TRERF1: variants seen among roughly 807,000 people sequenced by gnomAD.
TRERF1 encodes the protein transcriptional-regulating factor 1.
In TRERF1, 27 loss-of-function variants were observed where a neutral mutation model predicts 122.9. The ratio of observed to expected loss-of-function variants is 0.22; its 90% CI spans 0.16 to 0.30. TRERF1 has a LOEUF of 0.30. Among genes scored for constraint, TRERF1 ranks in the 10% least tolerant of loss-of-function variants. The pLI, the probability that TRERF1 is intolerant of heterozygous loss-of-function variation, is 1.00. For missense variants in TRERF1, 1,248 were observed against 1,560.3 expected, an observed-to-expected ratio of 0.80 and a Z score of 3.37; for synonymous variants, 636 against 641.7, an observed-to-expected ratio of 0.99 and a Z score of 0.13.
chr6:42,405,410 C>A (rs1308151756), intron 2 of TRERF1, among the ~76,000 whole-genome samples: 1 of 152,148 alleles, frequency 6.6e-6, no homozygotes, highest in Non-Finnish European at 1.5e-5. Flanking sequence ...ATTAGCCCCA[C>A]CCAGAAGAGT....
chr6:42,320,691 A>G (rs1248922133), intron 3 of TRERF1, among the ~76,000 whole-genome samples: 3 of 152,022 alleles, frequency 2.0e-5, no homozygotes, highest in Non-Finnish European at 4.4e-5. Context: ...TGTATTTTTT[A>G]GTAGAGATGG....
intron 4 of TRERF1, among the ~76,000 whole-genome samples, chr6:42,287,732 C>T (rs1783523148): frequency 6.6e-6 from 1 of 152,208 alleles, no homozygotes; most frequent in Admixed American, 6.5e-5. Context: ...CTGCCCACTT[C>T]TCCTGCACAG....
rs758835643 is a variant in TRERF1, at chr6:42,275,055, A to C, written c.-258-5207T>G. 6.6e-6 allele frequency among the ~76,000 whole-genome samples: 1 copy of C among 152,234 alleles called. No individual in the cohort carries two copies. Among genetic ancestry groups the C allele is most frequent in the Non-Finnish European group, 1.5e-5 (1 of 68,042 alleles). ...ACTTTATGCTCATACAAGAACACTA[A>C]TGCACAGCCCGTCTTATACAGATGG... On this transcript the variant is annotated intron_variant, in intron 4 of 17. Coordinates refer to ENST00000372922, the Ensembl canonical transcript of TRERF1. The surrounding 1 kb of genome is among the most constrained non-coding windows in gnomAD (Gnocchi z 4.1).
chr6:42,274,200 C>T (rs1375143022), intron 4 of TRERF1, among the ~76,000 whole-genome samples: 2 of 152,160 alleles, frequency 1.3e-5, no homozygotes, highest in African/African-American at 4.8e-5. Flanking sequence ...TGTGGCTCAG[C>T]AGTCTGTGTT....
intron 2 of TRERF1, among the ~76,000 whole-genome samples, chr6:42,448,665 A>G (rs1414626594): frequency 6.6e-6 from 1 of 152,184 alleles, no homozygotes; most frequent in Non-Finnish European, 1.5e-5. Flanking sequence ...CAAACCACGC[A>G]CTTTTAAGAT....
intron 3 of TRERF1, among the ~76,000 whole-genome samples, chr6:42,309,659 T>C (rs896337749): frequency 3.9e-5 from 6 of 152,216 alleles, no homozygotes; most frequent in African/African-American, 1.4e-4. Flanking sequence ...CATATGCACA[T>C]TGAAGTGTGA....
chr6:42,320,045 A>G (rs959826625), intron 3 of TRERF1, among the ~76,000 whole-genome samples: 1 of 151,774 alleles, frequency 6.6e-6, no homozygotes, highest in Non-Finnish European at 1.5e-5. Flanking sequence ...GGGATTACAG[A>G]CACCCATCAC....
intron 13 of TRERF1, among the ~76,000 whole-genome samples, chr6:42,249,937 C>T (rs1257110371): frequency 1.3e-5 from 2 of 152,176 alleles, no homozygotes; most frequent in African/African-American, 4.8e-5. Flanking sequence ...CATCCCTGGG[C>T]TCTTGGATTG....
chr6:42,352,328 A>T (rs1769621609), intron 3 of TRERF1, among the ~76,000 whole-genome samples: 1 of 152,266 alleles, frequency 6.6e-6, no homozygotes, highest in Non-Finnish European at 1.5e-5. Flanking sequence ...TTCCTCAGCT[A>T]GTGTTACCTT....
At chr6:42,423,963 G>A (rs1562184546) in intron 2 of TRERF1, among the ~76,000 whole-genome samples, 1 of 152,190 alleles carries the variant, frequency 6.6e-6, no homozygotes, top group Non-Finnish European at 1.5e-5. Flanking sequence ...ACCTTCAAAT[G>A]TAATAAAAAG....
At chr6:42,244,569 T>C (rs1774407262) in intron 14 of TRERF1, among the ~76,000 whole-genome samples, 1 of 152,202 alleles carries the variant, frequency 6.6e-6, no homozygotes. Flanking sequence ...GAGCACACTA[T>C]AAATACTGCT....
At chr6:42,357,328 C>CAAAAAAAAAAA (rs35651008) in intron 3 of TRERF1, among the ~76,000 whole-genome samples, 1 of 61,156 alleles carries the variant, frequency 1.6e-5, no homozygotes, top group Non-Finnish European at 3.6e-5. Context: ...GACTCTGTCT[C>CAAAAAAAAAAA]AAAAAAAAAA....
At chr6:42,371,918 A>G (rs1393180335) in intron 2 of TRERF1, among the ~76,000 whole-genome samples, 1 of 152,166 alleles carries the variant, frequency 6.6e-6, no homozygotes, top group Non-Finnish European at 1.5e-5. Flanking sequence ...GCAGTGGCTC[A>G]TCCCTGTAAT....
intron 3 of TRERF1, among the ~76,000 whole-genome samples, chr6:42,306,918 G>A (rs1282701894): frequency 6.6e-6 from 1 of 152,216 alleles, no homozygotes; most frequent in Non-Finnish European, 1.5e-5. Flanking sequence ...TGGCACAGCA[G>A]TCAATCCTGA....
intron 2 of TRERF1, among the ~76,000 whole-genome samples, chr6:42,424,407 G>A (rs2812796): frequency 0.99 from 151,094 of 152,342 alleles, 74,936 homozygotes; most frequent in East Asian, 1. Flanking sequence ...CTTGACCTCA[G>A]TCCATGACAT....
intron 4 of TRERF1, among the ~76,000 whole-genome samples, chr6:42,300,354 TCCTGTAAGA>T (rs565149459): frequency 1.6e-3 from 249 of 152,274 alleles, no homozygotes; most frequent in African/African-American, 5.7e-3. Context: ...GGATACCCCA[TCCTGTAAGA>T]CCTGTCCAAG....
rs142328438 is a variant in TRERF1 at position 42,281,812 on chromosome 6, G to A, written c.-258-11964C>T. Among the ~76,000 whole-genome samples the A allele has an allele frequency of 7.7e-3, 1,170 of 152,316 alleles. 4 individuals are homozygous for A. Among genetic ancestry groups the A allele is most frequent in the Non-Finnish European group, 0.013 (870 of 68,034 alleles). ...AGGAAGAACAGCAACGATGGCTAACGTGCATTGGGCGCTAACCCCAGGCTA... is the reference window on the plus strand; with the variant it reads ...AGGAAGAACAGCAACGATGGCTAACATGCATTGGGCGCTAACCCCAGGCTA... On this transcript the variant is annotated intron_variant, in intron 4 of 17. Transcript: ENST00000372922.
intron 3 of TRERF1, among the ~76,000 whole-genome samples, chr6:42,307,949 C>A (rs527893872): frequency 1.2e-4 from 18 of 152,318 alleles, no homozygotes; most frequent in African/African-American, 4.1e-4. Flanking sequence ...TTGGCCACAA[C>A]CAAAAACACA....
intron 2 of TRERF1, among the ~76,000 whole-genome samples, chr6:42,385,788 T>C (rs577865084): frequency 2.6e-5 from 4 of 152,340 alleles, no homozygotes; most frequent in African/African-American, 9.6e-5. Context: ...AAGTTCTAAA[T>C]TGGGCTACAG....
Sources: allele counts gnomAD v4.1 joint callset (sites outside exome capture counted in the v4.1 genomes callset), GRCh38; gene constraint gnomAD v4.1.1; non-coding constraint Gnocchi (gnomAD v3.1); transcripts MANE v1.5; gene names NCBI Gene and HGNC (gene_info 2026-07-23, HGNC 2026-07-21).